The following CSMD1 variants were observed in gnomAD, a reference collection of about 807,000 sequenced individuals.
CSMD1 encodes the protein CUB and Sushi multiple domains 1, also known as CUB and sushi domain-containing protein 1.
A neutral mutation model predicts 417.5 loss-of-function variants in CSMD1; 213 were observed. The observed-to-expected ratio is 0.51, with a 90% CI of 0.46 to 0.57. The LOEUF is 0.57. CSMD1 is among the 20% of genes least tolerant of loss of function. The pLI, the probability that CSMD1 is intolerant of heterozygous loss-of-function variation, is 0.00. For synonymous variants in CSMD1, 2,862 were observed against 1,736.8 expected, an observed-to-expected ratio of 1.65 and a Z score of -16.11; for missense variants, 6,923 against 4,529.7, an observed-to-expected ratio of 1.53 and a Z score of -15.17.
At chr8:3,083,608 TTTTATA>T (rs1475444925) in intron 49 of CSMD1, among the ~76,000 whole-genome samples, 1,025 of 44,936 alleles carry the variant, frequency 0.023, 94 homozygotes, top group South Asian at 0.03. Context: ...TTACCATAAT[TTTTATA>T]TATATATATA....
At chr8:4,544,511 G>A (rs527649419) in intron 2 of CSMD1, among the ~76,000 whole-genome samples, 9 of 152,008 alleles carry the variant, frequency 5.9e-5, no homozygotes, top group Middle Eastern at 3.4e-3. Context: ...ATGTTACATT[G>A]GGATCCACTG....
intron 26 of CSMD1, among the ~76,000 whole-genome samples, chr8:3,265,551 C>T (rs1801373278): frequency 6.6e-6 from 1 of 152,114 alleles, no homozygotes; most frequent in Non-Finnish European, 1.5e-5. Flanking sequence ...TAGCACACTC[C>T]TGTTACCTGG....
intron 69 of CSMD1, among the ~76,000 whole-genome samples, chr8:2,939,009 G>C (rs1460099344): frequency 6.6e-6 from 1 of 152,166 alleles, no homozygotes; most frequent in Non-Finnish European, 1.5e-5. Flanking sequence ...CTGTTACCCA[G>C]GCTGGAGTGC....
chr8:3,877,471 C>G (rs1216952164), intron 5 of CSMD1, among the ~76,000 whole-genome samples: 2 of 152,156 alleles, frequency 1.3e-5, no homozygotes, highest in Non-Finnish European at 2.9e-5. Flanking sequence ...CTACAGCTCT[C>G]TCAATTTGCT....
intron 2 of CSMD1, among the ~76,000 whole-genome samples, chr8:4,523,332 C>A (rs1479922483): frequency 6.6e-6 from 1 of 152,200 alleles, no homozygotes; most frequent in Non-Finnish European, 1.5e-5. Flanking sequence ...ATAATAGACT[C>A]AGCCTGGGCT....
intron 3 of CSMD1, among the ~76,000 whole-genome samples, chr8:4,224,276 T>C (rs938971409): frequency 1.3e-5 from 2 of 152,108 alleles, no homozygotes. Context: ...CGTTTTTCCA[T>C]AATTGTGGTA....
intron 26 of CSMD1, among the ~76,000 whole-genome samples, chr8:3,265,713 CTCAAAGCAGGGCCCTAGCTT>C (rs1194791813): frequency 6.6e-6 from 1 of 152,100 alleles, no homozygotes. Flanking sequence ...AGGTTTTTTT[CTCAAAGCAGGGCCCTAGCTT>C]TTACCTTTCC....
intron 1 of CSMD1, among the ~76,000 whole-genome samples, chr8:4,660,038 G>A (rs567273126): frequency 1.4e-5 from 2 of 147,402 alleles, no homozygotes; most frequent in African/African-American, 2.5e-5. Flanking sequence ...AAGGCTCCAT[G>A]ATTTTCTCCT....
intron 2 of CSMD1, among the ~76,000 whole-genome samples, chr8:4,573,717 C>T (rs777470592): frequency 7.2e-5 from 11 of 152,116 alleles, no homozygotes; most frequent in Non-Finnish European, 1.3e-4. Flanking sequence ...TGAAGCTGCA[C>T]CCACAGCCAC....
At chr8:4,406,468 T>A (rs757312306) in intron 3 of CSMD1, among the ~76,000 whole-genome samples, 1 of 152,202 alleles carries the variant, frequency 6.6e-6, no homozygotes, top group African/African-American at 2.4e-5. Context: ...CTACTCATCA[T>A]CCTCTGGGCA....
chr8:4,796,320 C>A (rs145939657), intron 1 of CSMD1, among the ~76,000 whole-genome samples: 1 of 151,964 alleles, frequency 6.6e-6, no homozygotes, highest in Non-Finnish European at 1.5e-5. Flanking sequence ...AGATGACAAG[C>A]GACCAACGTG....
intron 3 of CSMD1, among the ~76,000 whole-genome samples, chr8:4,266,624 T>C (rs1436649619): frequency 9.5e-6 from 1 of 105,254 alleles, no homozygotes; most frequent in African/African-American, 2.6e-5. Context: ...TGACCTGTCC[T>C]GCAGTTGAAC....
intron 1 of CSMD1, among the ~76,000 whole-genome samples, chr8:4,887,748 G>A (rs867268806): frequency 4.0e-5 from 6 of 151,764 alleles, no homozygotes; most frequent in Non-Finnish European, 2.9e-5. Flanking sequence ...ATATTTTCCT[G>A]ATGAGTTGAC....
chr8:3,460,738 A>G (rs1025014628), intron 12 of CSMD1, among the ~76,000 whole-genome samples: 4 of 152,220 alleles, frequency 2.6e-5, no homozygotes, highest in Non-Finnish European at 5.9e-5. Flanking sequence ...AACAATAATT[A>G]TAAATCTGTT....
chr8:3,784,393 C>T (rs1258292365), intron 5 of CSMD1, among the ~76,000 whole-genome samples: 1 of 152,008 alleles, frequency 6.6e-6, no homozygotes, highest in Non-Finnish European at 1.5e-5. Context: ...ATTCTTCAGC[C>T]CAGAAATAAC....
chr8:4,963,520 C>T (rs558167700), intron 1 of CSMD1, among the ~76,000 whole-genome samples: 2 of 152,142 alleles, frequency 1.3e-5, no homozygotes, highest in East Asian at 3.9e-4. Context: ...TTTCTACCTC[C>T]TAGAAATAGA....
chr8:4,274,488 C>G (rs1796362775), intron 3 of CSMD1, among the ~76,000 whole-genome samples: 1 of 152,044 alleles, frequency 6.6e-6, no homozygotes, highest in Non-Finnish European at 1.5e-5. Flanking sequence ...TTGAAACATC[C>G]AAGCAAATAA....
intron 3 of CSMD1, among the ~76,000 whole-genome samples, chr8:4,216,891 T>A (rs73658490): frequency 0.03 from 4,580 of 152,292 alleles, 200 homozygotes; most frequent in East Asian, 0.1. Context: ...CTTCTTTTCT[T>A]GCCCAGTTTT....
intron 3 of CSMD1, among the ~76,000 whole-genome samples, chr8:4,418,352 A>G (rs921370933): frequency 8.5e-5 from 13 of 152,088 alleles, no homozygotes; most frequent in Admixed American, 2.0e-4. Flanking sequence ...ATCTTGCCCT[A>G]TTTTCTTCAT....
Sources: gnomAD v4.1 joint callset for allele counts (sites outside exome capture counted in the v4.1 genomes callset) on GRCh38, gnomAD v4.1.1 for gene constraint, MANE v1.5 for transcripts, NCBI Gene and HGNC (gene_info 2026-07-23, HGNC 2026-07-21) for gene names.